The following CTNNA3 variants were observed in gnomAD, a reference collection of about 807,000 sequenced individuals.
CTNNA3 encodes the protein catenin alpha-3.
CTNNA3 carries 76 observed loss-of-function variants against 95.7 expected under a neutral mutation model. The ratio of observed to expected loss-of-function variants is 0.79; its 90% confidence interval spans 0.66 to 0.96. The LOEUF (loss-of-function observed/expected upper bound fraction) is 0.96. CTNNA3 is among the 40% of genes least tolerant of loss of function. The pLI is 0.00. For missense variants in CTNNA3, 1,191 were observed against 1,089.8 expected, an observed-to-expected ratio of 1.09 and a Z score of -1.31; for synonymous variants, 431 against 374.4, an observed-to-expected ratio of 1.15 and a Z score of -1.74.
At chr10:67,059,886 T>C (rs953729537) in intron 7 of CTNNA3, among the ~76,000 whole-genome samples, 3 of 152,200 alleles carry the variant, frequency 2.0e-5, no homozygotes, top group Non-Finnish European at 2.9e-5. Context: ...TGAAGATATG[T>C]AAATATTTTA....
At chr10:67,694,975 C>T (rs1412498677) in intron 1 of CTNNA3, among the ~76,000 whole-genome samples, 9 of 152,162 alleles carry the variant, frequency 5.9e-5, no homozygotes, top group Admixed American at 2.0e-4. Context: ...ATTTAACAAA[C>T]TTGTCCTATG....
intron 11 of CTNNA3, among the ~76,000 whole-genome samples, chr10:66,501,994 A>G (rs1840293343): frequency 6.6e-6 from 1 of 152,128 alleles, no homozygotes; most frequent in Non-Finnish European, 1.5e-5. Context: ...GTGATTCTAT[A>G]TGCTCTAATC....
At chr10:66,093,118 A>G (rs2081272819) in intron 14 of CTNNA3, among the ~76,000 whole-genome samples, 1 of 151,970 alleles carries the variant, frequency 6.6e-6, no homozygotes, top group Admixed American at 6.6e-5. Context: ...AATTTCAAGA[A>G]GCATTTATTA....
At chr10:66,224,553 A>G (rs1208540469) in intron 13 of CTNNA3, among the ~76,000 whole-genome samples, 1 of 152,164 alleles carries the variant, frequency 6.6e-6, no homozygotes, top group Admixed American at 6.6e-5. Context: ...TTCCTCCTAC[A>G]AGAAGGGCGT....
intron 3 of CTNNA3, among the ~76,000 whole-genome samples, chr10:67,561,813 G>A (rs970713593): frequency 1.8e-4 from 28 of 151,626 alleles, no homozygotes; most frequent in African/African-American, 5.6e-4. Flanking sequence ...GGATATCACC[G>A]CCAATGCCAC....
intron 5 of CTNNA3, among the ~76,000 whole-genome samples, chr10:67,432,962 A>C (rs1482766448): frequency 1.3e-5 from 2 of 151,974 alleles, no homozygotes; most frequent in Admixed American, 1.3e-4. Flanking sequence ...CACTTGTATT[A>C]TTTTTTAAAT....
At chr10:67,333,569 T>C (rs1402095096) in intron 5 of CTNNA3, among the ~76,000 whole-genome samples, 4 of 152,252 alleles carry the variant, frequency 2.6e-5, no homozygotes, top group Admixed American at 2.6e-4. Flanking sequence ...CAGATAATAA[T>C]AGCAATAACT....
intron 11 of CTNNA3, among the ~76,000 whole-genome samples, chr10:66,515,359 AGT>A (rs1840812039): frequency 6.6e-6 from 1 of 151,074 alleles, no homozygotes; most frequent in Non-Finnish European, 1.5e-5. Context: ...ATATATATAT[AGT>A]ATTAGTATTG....
At chr10:66,109,602 T>C (rs532165504) in intron 13 of CTNNA3, among the ~76,000 whole-genome samples, 178 of 152,304 alleles carry the variant, frequency 1.2e-3, no homozygotes, top group Middle Eastern at 3.4e-3. Flanking sequence ...GGCCCAAGAA[T>C]GACTATATTT....
intron 1 of CTNNA3, among the ~76,000 whole-genome samples, chr10:67,661,825 C>T (rs1351223648): frequency 1.3e-5 from 2 of 152,006 alleles, no homozygotes; most frequent in Non-Finnish European, 2.9e-5. Context: ...AAATTAAAGC[C>T]AAAATATGTA....
At chr10:66,425,254 T>A (rs1278176220) in intron 11 of CTNNA3, among the ~76,000 whole-genome samples, 1 of 150,990 alleles carries the variant, frequency 6.6e-6, no homozygotes, top group Non-Finnish European at 1.5e-5. Context: ...GATTAGCAGT[T>A]AGTTTTTTTA....
chr10:67,634,889 T>C (rs1839256035), intron 2 of CTNNA3, among the ~76,000 whole-genome samples: 1 of 151,992 alleles, frequency 6.6e-6, no homozygotes, highest in South Asian at 2.1e-4. Flanking sequence ...CTGACAATAT[T>C]AGACAGATCA....
At chr10:66,124,663 G>A (rs2082731645) in intron 13 of CTNNA3, among the ~76,000 whole-genome samples, 1 of 152,142 alleles carries the variant, frequency 6.6e-6, no homozygotes, top group African/African-American at 2.4e-5. Flanking sequence ...ATTCCACATG[G>A]CTGGGGAGGC....
chr10:67,173,073 TG>T (rs1862088723), intron 7 of CTNNA3, among the ~76,000 whole-genome samples: 1 of 152,180 alleles, frequency 6.6e-6, no homozygotes, highest in South Asian at 2.1e-4. Context: ...AAATTCTCTG[TG>T]AAGCCAAATA....
At chr10:66,947,344 C>T (rs1848326144) in intron 7 of CTNNA3, among the ~76,000 whole-genome samples, 2 of 152,182 alleles carry the variant, frequency 1.3e-5, no homozygotes. Context: ...AGAGCTATCA[C>T]ACTCAATGCT....
At chr10:67,015,345 T>C (rs781711830) in intron 7 of CTNNA3, 1 of 152,204 alleles carries the variant, frequency 6.6e-6, no homozygotes, top group African/African-American at 2.4e-5. Flanking sequence ...TCATCATGTA[T>C]GTGCATGCAC....
intron 11 of CTNNA3, among the ~76,000 whole-genome samples, chr10:66,429,024 AAAAG>A (rs2093270961): frequency 6.6e-6 from 1 of 152,080 alleles, no homozygotes. Flanking sequence ...AATAAAGAAG[AAAAG>A]AGAGAAGAAT....
At chr10:67,431,654 T>TA (rs1271730949) in intron 5 of CTNNA3, among the ~76,000 whole-genome samples, 1 of 151,900 alleles carries the variant, frequency 6.6e-6, no homozygotes, top group Admixed American at 6.6e-5. Context: ...GACTCTGGGG[T>TA]AACATGTACA....
chr10:67,228,487 C>T (rs1383934860), intron 5 of CTNNA3, among the ~76,000 whole-genome samples: 1 of 152,066 alleles, frequency 6.6e-6, no homozygotes, highest in African/African-American at 2.4e-5. Flanking sequence ...GTGGCAGGCA[C>T]CTGTAATCCC....
Sources: allele counts gnomAD v4.1 joint callset (sites outside exome capture counted in the v4.1 genomes callset), GRCh38; gene constraint gnomAD v4.1.1; transcripts MANE v1.5; gene names NCBI Gene and HGNC (gene_info 2026-07-23, HGNC 2026-07-21).